The following HEXB variants were observed in gnomAD, a reference collection of about 807,000 sequenced individuals.
HEXB encodes the protein hexosaminidase subunit beta.
In HEXB, 51 loss-of-function variants were observed where a neutral mutation model predicts 71.2. That is an observed-to-expected ratio of 0.72 (90% CI 0.57 to 0.90). The LOEUF (loss-of-function observed/expected upper bound fraction) is 0.90, where lower values mean the gene tolerates loss of function less well. Ranked by LOEUF, HEXB falls within the 40% of genes least tolerant of loss-of-function variation. The pLI, the probability that HEXB is intolerant of heterozygous loss-of-function variation, is 0.00. For missense variants in HEXB, 617 were observed against 677.0 expected (o/e 0.91, Z 0.98); for synonymous variants, 266 against 249.3 (o/e 1.07, Z -0.63).
At chr5:74,675,605 C>A (rs1401730619) in intron 1 of HEXB, among the ~76,000 whole-genome samples, 1 of 152,096 alleles carries the variant, frequency 6.6e-6, no homozygotes, top group African/African-American at 2.4e-5. Context: ...ACTGAGGGTG[C>A]AAGTGATGTG....
intron 5 of HEXB, among the ~76,000 whole-genome samples, chr5:74,704,317 A>AG (rs1429109641): frequency 2.6e-5 from 4 of 152,190 alleles, no homozygotes; most frequent in Admixed American, 1.3e-4. Context: ...GCCTTGATGA[A>AG]GAGGGAGTCT....
At chr5:74,697,395 C>A (rs1014265571) in intron 5 of HEXB, among the ~76,000 whole-genome samples, 14 of 151,304 alleles carry the variant, frequency 9.3e-5, no homozygotes, top group African/African-American at 3.4e-4. Flanking sequence ...TACATATACT[C>A]CCATTTGTCA....
At chr5:74,698,768 T>C (rs956235214) in intron 5 of HEXB, among the ~76,000 whole-genome samples, 1 of 152,190 alleles carries the variant, frequency 6.6e-6, no homozygotes, top group Non-Finnish European at 1.5e-5. Context: ...AAGAAACAGA[T>C]GCTTAGTGTA....
At chr5:74,682,953 C>T (rs533463045), upstream of HEXB, among the ~76,000 whole-genome samples, 1 of 152,260 alleles carries the variant, frequency 6.6e-6, no homozygotes, top group East Asian at 1.9e-4. Flanking sequence ...AATGAAGGCT[C>T]AAAGACCCAG....
At position 74,652,887 on chromosome 5, in the gene HEXB, T is replaced by C. The variant is rs749978580; in HGVS notation, c.-377+12329T>C. Among the ~76,000 whole-genome samples, 1 of 152,192 alleles carries C rather than the reference T, an allele frequency of 6.6e-6. No homozygotes were observed. The highest frequency in any genetic ancestry group is 2.4e-5 in the African/African-American group (1 of 41,448). ...CCTCCCTCTTGGGCGACTACACACA[T>C]CTACGCTAGTGACACATATCCCTTT... On this transcript the variant is annotated intron_variant, in intron 1 of 13. Transcript: ENST00000511181. This position sits in a 1 kb window ranked among gnomAD's most constrained non-coding sequence, Gnocchi z 5.4.
intron 5 of HEXB, among the ~76,000 whole-genome samples, chr5:74,699,432 A>C (rs1052052941): frequency 3.3e-5 from 5 of 151,714 alleles, no homozygotes; most frequent in African/African-American, 1.2e-4. Context: ...CCACCACCAC[A>C]CCTGGCTAAT....
chr5:74,720,821 AATGT>A (rs1478226563), intron 13 of HEXB, 74 bp downstream of exon 13: 3 of 1,176,976 alleles, frequency 2.5e-6, no homozygotes, highest in African/African-American at 1.5e-5. Flanking sequence ...TATAAATAGA[AATGT>A]ATGTTACCTA....
chr5:74,645,968 A>T (rs1747995213), intron 1 of HEXB, among the ~76,000 whole-genome samples: 1 of 151,360 alleles, frequency 6.6e-6, no homozygotes, highest in Non-Finnish European at 1.5e-5. Context: ...TTTTTTTAAC[A>T]GTTATGTGAT....
At chr5:74,683,064 G>A (rs549095363), upstream of HEXB, among the ~76,000 whole-genome samples, 1 of 152,170 alleles carries the variant, frequency 6.6e-6, no homozygotes, top group Admixed American at 6.5e-5. Context: ...TGGTAATAGA[G>A]AGGAGAAACC....
chr5:74,677,490 CT>C (rs566302720), intron 1 of HEXB, among the ~76,000 whole-genome samples: 1,645 of 77,320 alleles, frequency 0.021, 12 homozygotes, highest in African/African-American at 0.062. Context: ...TCTTCTTCTT[CT>C]TTTTTTTTTT....
At chr5:74,672,000 T>A (rs1748549245) in intron 1 of HEXB, among the ~76,000 whole-genome samples, 1 of 152,224 alleles carries the variant, frequency 6.6e-6, no homozygotes, top group African/African-American at 2.4e-5. Context: ...CCTGCTTCTG[T>A]GCCTCACACT....
At chr5:74,666,682 G>A (rs1247056534) in intron 1 of HEXB, among the ~76,000 whole-genome samples, 2 of 152,162 alleles carry the variant, frequency 1.3e-5, no homozygotes, top group African/African-American at 2.4e-5. Context: ...AGTCATTGCC[G>A]CTAATTAGAA....
rs555038607 is a variant in HEXB, at chr5:74,713,988, C to T, written c.901+353C>T. Among the ~76,000 whole-genome samples the T allele has an allele frequency of 3.6e-3, 553 of 152,256 alleles. 2 individuals carry two copies. The highest frequency in any genetic ancestry group is 0.013 in the African/African-American group (533 of 41,538). ...ACTGAGTAGCTGGGACTACAGGCGC[C>T]CGCCACCACGCTAATTTTTTGTATT... On this transcript the variant is annotated intron_variant, in intron 7 of 13. Coordinates refer to ENST00000261416, the MANE Select transcript of HEXB (RefSeq NM_000521.4).
chr5:74,658,739 G>A (rs1206835482), intron 1 of HEXB, among the ~76,000 whole-genome samples: 2 of 152,148 alleles, frequency 1.3e-5, no homozygotes, highest in African/African-American at 4.8e-5. Flanking sequence ...TCTGCCCTAT[G>A]CATCTCTTCC....
chr5:74,721,079 T>G (rs1243414689), intron 13 of HEXB, 39 bp from the exon 14 acceptor site: 1 of 1,469,076 alleles, frequency 6.8e-7, no homozygotes, highest in Admixed American at 1.7e-5. Flanking sequence ...GATATCAATC[T>G]AAATCAATCT....
chr5:74,656,564 G>C (rs759716197), intron 1 of HEXB, among the ~76,000 whole-genome samples: 11 of 151,404 alleles, frequency 7.3e-5, no homozygotes, highest in Non-Finnish European at 1.5e-4. Flanking sequence ...AGCAGATGAG[G>C]AACCACATTG....
At chr5:74,675,400 A>C (rs1748613061) in intron 1 of HEXB, among the ~76,000 whole-genome samples, 1 of 152,218 alleles carries the variant, frequency 6.6e-6, no homozygotes, top group Admixed American at 6.5e-5. Context: ...GTCAGGTCTC[A>C]GAGCCTGACT....
At chr5:74,644,475 C>A (rs1747964033) in intron 1 of HEXB, among the ~76,000 whole-genome samples, 1 of 152,088 alleles carries the variant, frequency 6.6e-6, no homozygotes, top group African/African-American at 2.4e-5. Flanking sequence ...GAAAATGAGA[C>A]CTCAGCTTCC....
At chr5:74,715,145 T>G (rs1473410711) in intron 7 of HEXB, among the ~76,000 whole-genome samples, 1 of 152,224 alleles carries the variant, frequency 6.6e-6, no homozygotes, top group Non-Finnish European at 1.5e-5. Flanking sequence ...GCTTAAGGAC[T>G]GCAGATGTTG....
Sources: gnomAD v4.1 joint callset for allele counts (sites outside exome capture counted in the v4.1 genomes callset) on GRCh38, gnomAD v4.1.1 for gene constraint, Gnocchi (gnomAD v3.1) non-coding constraint, MANE v1.5 for transcripts, NCBI Gene and HGNC (gene_info 2026-07-23, HGNC 2026-07-21) for gene names.